The following CHRM5 variants were observed in gnomAD, a reference collection of about 807,000 sequenced individuals.
CHRM5 encodes muscarinic acetylcholine receptor M5.
In CHRM5, 18 loss-of-function variants were observed where a neutral mutation model predicts 39.0. That is an observed-to-expected ratio of 0.46 (90% CI 0.32 to 0.68). The LOEUF is 0.68. CHRM5 is among the 30% of genes least tolerant of loss of function. The pLI, the probability that CHRM5 is intolerant of heterozygous loss-of-function variation, is 0.04. For synonymous variants in CHRM5, 241 were observed against 246.3 expected (o/e 0.98, Z 0.20); for missense variants, 515 against 651.1 (o/e 0.79, Z 2.28).
chr15:34,019,994 T>G (rs1720378004), intron 1 of CHRM5, among the ~76,000 whole-genome samples: 1 of 152,230 alleles, frequency 6.6e-6, no homozygotes, highest in African/African-American at 2.4e-5. Context: ...CTTGATTTTT[T>G]AAACACCTTT....
intron 2 of CHRM5, among the ~76,000 whole-genome samples, chr15:34,059,871 A>G (rs143367577): frequency 6.4e-4 from 97 of 152,216 alleles, no homozygotes; most frequent in African/African-American, 1.5e-3. Flanking sequence ...CTGCTAATTT[A>G]TTTACATTCC....
intron 1 of CHRM5, among the ~76,000 whole-genome samples, chr15:33,979,741 G>A (rs1158329574): frequency 6.6e-6 from 1 of 152,202 alleles, no homozygotes; most frequent in African/African-American, 2.4e-5. Flanking sequence ...ACTAAACTAA[G>A]AGAAGTTCGT....
At position 34,027,453 on chromosome 15, in the gene CHRM5, C is replaced by T. The variant is rs187371942; in HGVS notation, c.-407-19087C>T. 2.7e-3 allele frequency among the ~76,000 whole-genome samples: 405 copies of T among 150,568 alleles called. 4 individuals are homozygous for T. Among genetic ancestry groups the T allele is most frequent in the African/African-American group, 9.3e-3 (384 of 41,244 alleles). ...CTGAGGCAGGAGAATCGCTTGAACC[C>T]GGAAGGCAGAGGTTGCAGTGAGCTG... On this transcript the variant is annotated intron_variant, in intron 1 of 2. Coordinates refer to ENST00000383263, the MANE Select transcript of CHRM5 (RefSeq NM_012125.4).
intron 1 of CHRM5, among the ~76,000 whole-genome samples, chr15:33,969,572 T>A (rs779860871): frequency 6.6e-6 from 1 of 151,960 alleles, no homozygotes; most frequent in Non-Finnish European, 1.5e-5. Flanking sequence ...TTTATTCATA[T>A]AAAGGAACAA....
chr15:34,027,373 T>TA (rs1410435832), intron 1 of CHRM5, among the ~76,000 whole-genome samples: 1 of 150,812 alleles, frequency 6.6e-6, no homozygotes, highest in Admixed American at 6.6e-5. Context: ...AAAATAAAAA[T>TA]AAAAAAACAG....
chr15:34,049,889 T>TTA (rs1491496114), intron 2 of CHRM5, among the ~76,000 whole-genome samples: 1 of 15,264 alleles, frequency 6.6e-5, no homozygotes, highest in Non-Finnish European at 2.5e-4. Flanking sequence ...CAACATCAAC[T>TTA]TTTTTTTTTT....
At chr15:34,044,972 T>C (rs1443042222) in intron 1 of CHRM5, among the ~76,000 whole-genome samples, 1 of 152,082 alleles carries the variant, frequency 6.6e-6, no homozygotes, top group Non-Finnish European at 1.5e-5. Flanking sequence ...GGCATGAACC[T>C]GGGAGGCGGA....
At chr15:34,014,634 G>A (rs2140680489) in intron 1 of CHRM5, among the ~76,000 whole-genome samples, 1 of 152,282 alleles carries the variant, frequency 6.6e-6, no homozygotes, top group Non-Finnish European at 1.5e-5. Flanking sequence ...GCAGAGATGG[G>A]ATCAATGCAG....
intron 1 of CHRM5, among the ~76,000 whole-genome samples, chr15:34,034,092 T>C (rs1223593110): frequency 1.3e-5 from 2 of 152,054 alleles, no homozygotes; most frequent in African/African-American, 2.4e-5. Flanking sequence ...GCCTAAATAA[T>C]TTATTAATGT....
intron 2 of CHRM5, among the ~76,000 whole-genome samples, chr15:34,058,162 C>T (rs1252059737): frequency 6.6e-6 from 1 of 152,182 alleles, no homozygotes; most frequent in Non-Finnish European, 1.5e-5. Context: ...GGCCTACCCA[C>T]ATTATGGTGG....
chr15:33,982,515 A>G (rs1429803034), intron 1 of CHRM5, among the ~76,000 whole-genome samples: 1 of 152,220 alleles, frequency 6.6e-6, no homozygotes, highest in African/African-American at 2.4e-5. Context: ...TCTCAGTCCC[A>G]ATGGTCAAAT....
In CHRM5 at chr15:34,063,195, A is replaced by G; in HGVS notation, c.478A>G (p.Ile160Val). The G allele has an allele frequency of 6.2e-7, 1 of 1,614,098 alleles. No homozygotes were observed. ...MIGLAWLISF[I>V]LWAPAILCWQ... ...TGGCTTGGCCTGGCTGATCTCCTTCATCCTCTGGGCCCCAGCAATCCTCTG... is the reference window on the plus strand; with the variant it reads ...TGGCTTGGCCTGGCTGATCTCCTTCGTCCTCTGGGCCCCAGCAATCCTCTG... Residue 160 changes from isoleucine to valine, a missense_variant, in exon 3 of 3, where the codon ATC becomes GTC. Ile to Val is a conservative substitution (Grantham distance 29). Transcript: ENST00000383263. The surrounding 1 kb of genome is among the most constrained non-coding windows in gnomAD (Gnocchi z 4.1).
intron 1 of CHRM5, among the ~76,000 whole-genome samples, chr15:33,978,867 C>T (rs886607412): frequency 6.6e-6 from 1 of 151,950 alleles, no homozygotes; most frequent in Non-Finnish European, 1.5e-5. Flanking sequence ...ACCCTGAAGT[C>T]CCAAGTCTAA....
intron 1 of CHRM5, among the ~76,000 whole-genome samples, chr15:34,033,442 A>C (rs1898957080): frequency 6.6e-6 from 1 of 151,392 alleles, no homozygotes; most frequent in African/African-American, 2.4e-5. Context: ...AGAGGCGGAG[A>C]TTGCAGTGAG....
chr15:33,983,408 C>G (rs960777647), intron 1 of CHRM5, among the ~76,000 whole-genome samples: 3 of 151,814 alleles, frequency 2.0e-5, no homozygotes, highest in African/African-American at 7.3e-5. Flanking sequence ...TTCCATTCTT[C>G]AAAGAAATTG....
intron 1 of CHRM5, among the ~76,000 whole-genome samples, chr15:33,970,328 T>C (rs918440881): frequency 1.3e-5 from 2 of 152,002 alleles, no homozygotes; most frequent in African/African-American, 2.4e-5. Context: ...ATAAGTCTTT[T>C]ACATCTGAAG....
intron 1 of CHRM5, among the ~76,000 whole-genome samples, chr15:33,989,357 A>G (rs1380565761): frequency 6.6e-6 from 1 of 152,098 alleles, no homozygotes; most frequent in East Asian, 1.9e-4. Context: ...ATAGAACTTT[A>G]TAATTTGTAA....
At chr15:33,983,128 CTGTGTGTGTGTG>C (rs373285133) in intron 1 of CHRM5, among the ~76,000 whole-genome samples, 2 of 135,350 alleles carry the variant, frequency 1.5e-5, no homozygotes, top group African/African-American at 2.7e-5. Context: ...TGTCCATACT[CTGTGTGTGTGTG>C]TGTGTGTGTG....
intron 1 of CHRM5, chr15:34,018,261 ATT>A (rs1300462133): frequency 6.6e-6 from 1 of 152,180 alleles, no homozygotes; most frequent in Admixed American, 6.5e-5. Context: ...AGACAGTGAT[ATT>A]GTGTCCGGAA....
Sources: allele counts gnomAD v4.1 joint callset (sites outside exome capture counted in the v4.1 genomes callset), GRCh38; gene constraint gnomAD v4.1.1; non-coding constraint Gnocchi (gnomAD v3.1); transcripts MANE v1.5; gene names NCBI Gene and HGNC (gene_info 2026-07-23, HGNC 2026-07-21).